The following COQ5 variants were observed in gnomAD, a reference collection of about 807,000 sequenced individuals.
COQ5 encodes the protein 2-methoxy-6-polyprenyl-1,4-benzoquinol methylase, mitochondrial.
Under a neutral mutation model 40.5 loss-of-function variants are expected in COQ5, and 27 were observed. The observed-to-expected ratio is 0.67, with a 90% CI of 0.49 to 0.92. The LOEUF (loss-of-function observed/expected upper bound fraction) is 0.92, where lower values mean the gene tolerates loss of function less well. Ranked by LOEUF, COQ5 falls within the 40% of genes least tolerant of loss-of-function variation. The pLI is 0.00. For missense variants in COQ5, 409 were observed against 406.4 expected (o/e 1.01, Z -0.06); for synonymous variants, 141 against 150.0 (o/e 0.94, Z 0.44).
rs539097126 is a variant in COQ5, at chr12:120,522,792, G to T, written c.203-429C>A. 4.0e-5 allele frequency: 27 copies of T among 667,590 alleles called. No homozygotes were observed. The South Asian group carries it at 4.8e-4, about 12-fold the overall frequency. The allele number at this position is 667,590 out of a possible 1,614,324, so 41.4% of individuals were successfully genotyped here. ...TTGAGCCCCTTGGCAATGCAGGAAT[G>T]AGCACATTTCCCAAGCCTGGGGGTG... is the stretch of plus-strand genomic sequence containing the variant. On this transcript the variant is annotated intron_variant, in intron 1 of 6. Transcript: ENST00000288532.
chr12:120,504,408 ATT>A (rs33973905), intron 5 of COQ5, among the ~76,000 whole-genome samples: 11 of 111,044 alleles, frequency 9.9e-5, no homozygotes, highest in Admixed American at 2.2e-4. Flanking sequence ...CCTGATTTAA[ATT>A]TTTTTTTTTT....
At chr12:120,505,543 C>T (rs548890627) in intron 4 of COQ5, among the ~76,000 whole-genome samples, 11 of 151,826 alleles carry the variant, frequency 7.2e-5, no homozygotes, top group East Asian at 3.9e-4. Flanking sequence ...CCTGCCACCA[C>T]GCCCCGCTAA....
intron 4 of COQ5, chr12:120,509,767 C>G: frequency 2.3e-6 from 1 of 439,324 alleles, no homozygotes; most frequent in Admixed American, 3.4e-5. Context: ...AAAAAAAAAT[C>G]TATCTATCTC....
rs1868722956 is a variant in COQ5, at chr12:120,503,439, TAG to T, written c.*343_*344del. The stretch of plus-strand genomic sequence containing the variant: ...GGGTTCAAATGATCTATCATCCCTC[TAG>T]AAGGCAGCACCAGCAGAGAAGCTAT... On this transcript the variant is annotated 3_prime_UTR_variant, in exon 7 of 7. Transcript: ENST00000288532. 2.4e-6 allele frequency: 1 copy of T among 423,886 alleles called. No individual in the cohort carries two copies. Among genetic ancestry groups the T allele is most frequent in the Admixed American group, 2.8e-5 (1 of 35,406 alleles). 26.3% of individuals were successfully genotyped at this position (423,886 alleles called of 1,614,324 possible). A position where few individuals can be genotyped will look rare whatever the true frequency, so the allele number is the denominator to read the frequency against.
chr12:120,510,754 A>T (rs1321272697), intron 3 of COQ5, among the ~76,000 whole-genome samples: 1 of 152,180 alleles, frequency 6.6e-6, no homozygotes, highest in African/African-American at 2.4e-5. Context: ...TACTGGTTTT[A>T]TTGGAATCAT....
At chr12:120,505,548 C>T (rs568817675) in intron 4 of COQ5, among the ~76,000 whole-genome samples, 13 of 151,742 alleles carry the variant, frequency 8.6e-5, no homozygotes, top group South Asian at 6.2e-4. Flanking sequence ...CACCACGCCC[C>T]GCTAATTTTT....
At chr12:120,524,159 A>G (rs1869817935) in intron 1 of COQ5, among the ~76,000 whole-genome samples, 2 of 152,182 alleles carry the variant, frequency 1.3e-5, no homozygotes, top group African/African-American at 4.8e-5. Context: ...GAGGGCTCTC[A>G]TGAGTCTTCT....
chr12:120,524,482 G>A (rs972927044), intron 1 of COQ5, among the ~76,000 whole-genome samples: 2 of 151,942 alleles, frequency 1.3e-5, no homozygotes, highest in Non-Finnish European at 2.9e-5. Context: ...GGATGGTCTC[G>A]ATCTCCTGAC....
chr12:120,512,588 G>T (rs1279935940), intron 3 of COQ5, among the ~76,000 whole-genome samples: 1 of 151,916 alleles, frequency 6.6e-6, no homozygotes, highest in African/African-American at 2.4e-5. Flanking sequence ...TGACAAAGCA[G>T]GACTCTGTCT....
intron 1 of COQ5, chr12:120,523,035 A>T (rs1026959069): frequency 1.3e-5 from 5 of 372,266 alleles, no homozygotes; most frequent in Admixed American, 1.2e-4. Flanking sequence ...AGATTCTTAT[A>T]AAAAAAAAAG....
chr12:120,521,687 A>G (rs1593023344), intron 2 of COQ5, among the ~76,000 whole-genome samples: 1 of 151,158 alleles, frequency 6.6e-6, no homozygotes, highest in Non-Finnish European at 1.5e-5. Context: ...TCCAAAAAAA[A>G]AAAAAAAAAG....
chr12:120,509,890 A>G (rs1409987472), intron 4 of COQ5, 127 bp downstream of exon 4: 7 of 739,184 alleles, frequency 9.5e-6, no homozygotes, highest in African/African-American at 1.7e-5. Flanking sequence ...GTTTGAGACT[A>G]GCCTGGGCAA....
Position 120,529,102 on chromosome 12 carries a change from C to G in COQ5, c.40G>C (p.Gly14Arg), listed in dbSNP as rs1041345943. The G allele has an allele frequency of 1.2e-6, 2 of 1,614,118 alleles. No individual in the cohort carries two copies. Among genetic ancestry groups the G allele is most frequent in the South Asian group, 1.1e-5 (1 of 91,084 alleles). ...PGSCALWSYC[G>R]RGWSRAMRGC... is the part of the protein sequence containing the mutation. The stretch of plus-strand genomic sequence containing the variant: ...CGCATCGCCCGCGACCACCCACGGC[C>G]GCAATAGCTCCATAGAGCACAGCTC... The change falls in exon 1 of 7, where the codon GGC becomes CGC. Residue 14 changes from glycine to arginine, a missense_variant. Gly to Arg is a moderately radical substitution (Grantham distance 125). Transcript: ENST00000288532.
chr12:120,527,988 C>CAAAAAAAAAAAAAAAA (rs55830211), intron 1 of COQ5, among the ~76,000 whole-genome samples: 2 of 23,032 alleles, frequency 8.7e-5, no homozygotes, highest in Non-Finnish European at 1.6e-4. Flanking sequence ...GACTCAGTCT[C>CAAAAAAAAAAAAAAAA]AAAAAAAAAA....
chr12:120,528,929 G>A lies in COQ5; in HGVS notation c.202+11C>T. ...TCAGATCCCTCCCATCCGCCCTCTCGCCCCTTTCACCTTTGCCCCCCTTCT... is the reference window on the plus strand; with the variant it reads ...TCAGATCCCTCCCATCCGCCCTCTCACCCCTTTCACCTTTGCCCCCCTTCT... On this transcript the variant is annotated intron_variant, in intron 1 of 6. Transcript: ENST00000288532. The A allele has an allele frequency of 4.3e-6, 7 of 1,612,760 alleles. No individual in the cohort carries two copies. The highest frequency in any genetic ancestry group is 5.9e-6 in the Non-Finnish European group (7 of 1,179,092).
intron 4 of COQ5, among the ~76,000 whole-genome samples, chr12:120,505,893 T>C (rs1868861989): frequency 6.6e-6 from 1 of 151,640 alleles, no homozygotes; most frequent in African/African-American, 2.4e-5. Flanking sequence ...TTCGCTCTTG[T>C]TGCCCAGGCT....
chr12:120,519,415 C>T (rs1869538284), intron 2 of COQ5, among the ~76,000 whole-genome samples: 1 of 152,038 alleles, frequency 6.6e-6, no homozygotes, highest in African/African-American at 2.4e-5. Context: ...ACAAAATCAG[C>T]CAGGCATGAT....
At chr12:120,509,818 T>C (rs778227945) in intron 4 of COQ5, 199 bp downstream of exon 4, 6 of 597,092 alleles carry the variant, frequency 1.0e-5, no homozygotes, top group African/African-American at 1.8e-5. Context: ...TGGGTTCCTG[T>C]AAGGTTCCTG....
At chr12:120,506,745 G>A (rs1868900589) in intron 4 of COQ5, among the ~76,000 whole-genome samples, 3 of 152,104 alleles carry the variant, frequency 2.0e-5, no homozygotes, top group African/African-American at 7.2e-5. Context: ...TACACTCTTT[G>A]TTCTTTGCTT....
Sources: allele counts gnomAD v4.1 joint callset (sites outside exome capture counted in the v4.1 genomes callset), GRCh38; gene constraint gnomAD v4.1.1; transcripts MANE v1.5; gene names NCBI Gene and HGNC (gene_info 2026-07-23, HGNC 2026-07-21).